Variants in ANK3 observed in about 807,000 individuals in gnomAD.
ANK3 encodes ankyrin 3.
ANK3 carries 57 observed loss-of-function variants against 370.9 expected under a neutral mutation model. The ratio of observed to expected loss-of-function variants is 0.15; its 90% CI spans 0.12 to 0.19. The LOEUF is 0.19. Ranked by LOEUF, ANK3 falls within the 10% of genes least tolerant of loss-of-function variation. The pLI is 1.00. For missense variants in ANK3, 4,439 were observed against 5,302.1 expected (o/e 0.84, Z 5.06); for synonymous variants, 1,929 against 1,946.3 (o/e 0.99, Z 0.23).
At chr10:60,183,238 A>G (rs2096246142) in intron 17 of ANK3, among the ~76,000 whole-genome samples, 1 of 152,148 alleles carries the variant, frequency 6.6e-6, no homozygotes, top group Admixed American at 6.5e-5. Context: ...AAATATCATA[A>G]TCCTGCATTT....
chr10:60,570,526 A>T (rs2077567453), intron 2 of ANK3, among the ~76,000 whole-genome samples: 1 of 152,158 alleles, frequency 6.6e-6, no homozygotes, highest in African/African-American at 2.4e-5. Flanking sequence ...GACTGGTAAA[A>T]ACCCTGGTCT....
intron 2 of ANK3, among the ~76,000 whole-genome samples, chr10:60,528,137 C>CTTT (rs10677013): frequency 2.7e-5 from 3 of 111,054 alleles, no homozygotes; most frequent in African/African-American, 6.2e-5. Context: ...TCTTCTTCTT[C>CTTT]TTTTTTTTTT....
chr10:60,547,254 C>G (rs1426460470), intron 2 of ANK3, among the ~76,000 whole-genome samples: 1 of 151,674 alleles, frequency 6.6e-6, no homozygotes, highest in Non-Finnish European at 1.5e-5. Context: ...CTATGGCTAG[C>G]TAATTTTTTT....
intron 2 of ANK3, among the ~76,000 whole-genome samples, chr10:60,603,352 C>T (rs1390861834): frequency 5.3e-5 from 8 of 151,962 alleles, no homozygotes; most frequent in Admixed American, 2.0e-4. Context: ...ATCACATTTT[C>T]CTAAAATGTG....
chr10:60,517,692 T>C (rs2076252929), intron 2 of ANK3, among the ~76,000 whole-genome samples: 1 of 152,096 alleles, frequency 6.6e-6, no homozygotes, highest in Non-Finnish European at 1.5e-5. Flanking sequence ...ATGGCACATT[T>C]CAAAGTACTT....
At chr10:60,154,438 C>T (rs1367805676) in intron 23 of ANK3, among the ~76,000 whole-genome samples, 2 of 152,136 alleles carry the variant, frequency 1.3e-5, no homozygotes, top group African/African-American at 2.4e-5. Context: ...TTCAGATCTA[C>T]CTTCACATTT....
rs2082211653 is a variant in ANK3, at chr10:60,069,153, T to G, written c.11728A>C (p.Lys3910Gln). The change falls in exon 37 of 44, where the codon AAG (lysine) becomes CAG (glutamine). Residue 3910 changes from lysine to glutamine, a missense_variant. Physicochemically the swap from Lys to Gln is moderately conservative, Grantham distance 53. Around this residue, in one of 13 missense-constraint regions of ANK3, gnomAD observed 496 missense variants for 529.3 expected, o/e 0.94. Coordinates refer to ENST00000280772, the MANE Select transcript of ANK3 (RefSeq NM_020987.5). Reference sequence around the variant, plus strand: ...GTGTTTTTCACTGGAATTCTGGACTTTACATCTACACATGAAGAAGTAGTA... The same window carrying G: ...GTGTTTTTCACTGGAATTCTGGACTGTACATCTACACATGAAGAAGTAGTA... ...ALTTSSCVDV[K>Q]SRIPVKNTHR... 1 of 1,613,796 alleles carries G rather than the reference T, an allele frequency of 6.2e-7. No homozygotes were observed. Among genetic ancestry groups the G allele is most frequent in the African/African-American group, 1.3e-5 (1 of 74,876 alleles).
At chr10:60,089,685 A>G (rs952965716) in intron 28 of ANK3, among the ~76,000 whole-genome samples, 4 of 152,172 alleles carry the variant, frequency 2.6e-5, no homozygotes, top group Admixed American at 6.5e-5. Flanking sequence ...TCAGAAGTAC[A>G]ATAATTAAAC....
chr10:60,459,365 G>C (rs970768304), intron 2 of ANK3, among the ~76,000 whole-genome samples: 1 of 152,152 alleles, frequency 6.6e-6, no homozygotes, highest in Non-Finnish European at 1.5e-5. Flanking sequence ...GCAGGTCGGG[G>C]ACACTGCCAC....
intron 20 of ANK3, 90 bp from the exon 21 acceptor site, chr10:60,172,493 G>A: frequency 1.0e-6 from 1 of 981,838 alleles, no homozygotes; most frequent in African/African-American, 1.6e-5. Flanking sequence ...TGTCTCATCA[G>A]ACCCATCCCA....
At position 60,436,953 on chromosome 10, in the gene ANK3, G is replaced by T. The variant is rs573952348; in HGVS notation, c.97-157314C>A. The stretch of plus-strand genomic sequence containing the variant: ...TTGCAGAGAATCAGTTATCACATGG[G>T]GTCTGTCAAATCTTCATCTAGTCTG... On this transcript the variant is annotated intron_variant, in intron 2 of 43. Coordinates refer to the ANK3 transcript ENST00000373827. Among the ~76,000 whole-genome samples, 4 of 152,194 alleles carry T rather than the reference G, an allele frequency of 2.6e-5. No homozygotes were observed. The East Asian group carries it at 7.7e-4, about 29-fold the overall frequency.
At chr10:60,665,623 T>A (rs1372538779) in intron 1 of ANK3, among the ~76,000 whole-genome samples, 1 of 152,200 alleles carries the variant, frequency 6.6e-6, no homozygotes. Flanking sequence ...CAGTTGATAT[T>A]CCAGGAATTT....
At chr10:60,711,632 AAG>A (rs2079709254) in intron 1 of ANK3, among the ~76,000 whole-genome samples, 1 of 152,222 alleles carries the variant, frequency 6.6e-6, no homozygotes, top group South Asian at 2.1e-4. Flanking sequence ...CAGGAGAAGA[AAG>A]AGAGAAAAGA....
At chr10:60,230,603 T>C (rs1242588134) in intron 8 of ANK3, among the ~76,000 whole-genome samples, 4 of 151,666 alleles carry the variant, frequency 2.6e-5, no homozygotes, top group Non-Finnish European at 5.9e-5. Context: ...ACATGAAGGG[T>C]TTGGGGGCTG....
At chr10:60,576,979 A>G (rs1178962175) in intron 2 of ANK3, among the ~76,000 whole-genome samples, 1 of 152,234 alleles carries the variant, frequency 6.6e-6, no homozygotes, top group African/African-American at 2.4e-5. Flanking sequence ...GATGATATTC[A>G]ATGGTAAACA....
intron 2 of ANK3, among the ~76,000 whole-genome samples, chr10:60,583,024 G>T (rs1298340955): frequency 6.6e-6 from 1 of 152,132 alleles, no homozygotes; most frequent in Non-Finnish European, 1.5e-5. Flanking sequence ...ATATCCAAAG[G>T]TTATAAAATC....
chr10:60,279,332 T>C (rs183995659), intron 2 of ANK3, among the ~76,000 whole-genome samples, 184 bp from the exon 3 acceptor site: 1 of 152,360 alleles, frequency 6.6e-6, no homozygotes, highest in East Asian at 1.9e-4. Flanking sequence ...TGTTCTGTTA[T>C]CATTATTTAC....
intron 42 of ANK3, among the ~76,000 whole-genome samples, chr10:60,049,343 C>G (rs148974875): frequency 6.6e-6 from 1 of 152,314 alleles, no homozygotes; most frequent in African/African-American, 2.4e-5. Flanking sequence ...AATCCCAGCA[C>G]TGTGGGAGGC....
intron 8 of ANK3, among the ~76,000 whole-genome samples, chr10:60,226,824 T>A (rs1201786360): frequency 1.3e-5 from 2 of 149,460 alleles, no homozygotes; most frequent in African/African-American, 4.9e-5. Flanking sequence ...ATATTATAAT[T>A]ATATTTACAC....
Sources: allele counts gnomAD v4.1 joint callset (sites outside exome capture counted in the v4.1 genomes callset), GRCh38; gene constraint gnomAD v4.1.1; regional missense constraint gnomAD v4.1.1; transcripts MANE v1.5; gene names NCBI Gene and HGNC (gene_info 2026-07-23, HGNC 2026-07-21).